Variants in RORA observed in about 807,000 individuals in gnomAD.
RORA encodes the protein RAR related orphan receptor A, also known as nuclear receptor ROR-alpha.
Under a neutral mutation model 69.5 loss-of-function variants are expected in RORA, and 7 were observed. The ratio of observed to expected loss-of-function variants is 0.10; its 90% CI spans 0.06 to 0.19. RORA has a LOEUF of 0.19. Among genes scored for constraint, RORA ranks in the 10% least tolerant of loss-of-function variants. The probability of loss-of-function intolerance (pLI) is 1.00; values close to 1 mark genes in which losing one functional copy is unlikely to be tolerated. For synonymous variants in RORA, 261 were observed against 240.8 expected (o/e 1.08, Z -0.78); for missense variants, 457 against 663.0 (o/e 0.69, Z 3.41).
intron 1 of RORA, among the ~76,000 whole-genome samples, chr15:60,700,808 C>A (rs561706479): frequency 2.0e-5 from 3 of 152,264 alleles, no homozygotes; most frequent in South Asian, 4.2e-4. Flanking sequence ...ATTTATCCTT[C>A]AAGATCCAAA....
chr15:60,882,423 G>C (rs753711208), intron 1 of RORA, among the ~76,000 whole-genome samples: 14 of 152,162 alleles, frequency 9.2e-5, no homozygotes, highest in African/African-American at 1.4e-4. Context: ...AATGTCAGTA[G>C]TGCTGAGATT....
chr15:60,960,200 A>G (rs182266547), intron 1 of RORA, among the ~76,000 whole-genome samples: 1 of 152,306 alleles, frequency 6.6e-6, no homozygotes, highest in African/African-American at 2.4e-5. Flanking sequence ...CCACTCCAAA[A>G]TTACATGATG....
chr15:61,020,549 T>C (rs1184295731), intron 1 of RORA, among the ~76,000 whole-genome samples: 1 of 152,190 alleles, frequency 6.6e-6, no homozygotes, highest in Non-Finnish European at 1.5e-5. Flanking sequence ...TGGCTATTGT[T>C]ACAACAACCA....
intron 2 of RORA, among the ~76,000 whole-genome samples, chr15:60,656,639 A>G (rs1428676670): frequency 2.0e-5 from 3 of 152,208 alleles, no homozygotes; most frequent in Non-Finnish European, 4.4e-5. Flanking sequence ...TGCACAACAC[A>G]CACCATTTGA....
At chr15:61,137,595 G>T (rs576566458) in intron 1 of RORA, among the ~76,000 whole-genome samples, 1 of 152,140 alleles carries the variant, frequency 6.6e-6, no homozygotes, top group Non-Finnish European at 1.5e-5. Context: ...GTGCTGGGCC[G>T]TTCCTAACAC....
At chr15:61,162,438 G>C (rs968904316) in intron 1 of RORA, among the ~76,000 whole-genome samples, 3 of 152,102 alleles carry the variant, frequency 2.0e-5, no homozygotes, top group African/African-American at 7.2e-5. Context: ...CACCCACAAG[G>C]GCTCCTGTTC....
At chr15:60,809,190 A>G (rs1398270784) in intron 1 of RORA, among the ~76,000 whole-genome samples, 1 of 152,302 alleles carries the variant, frequency 6.6e-6, no homozygotes, top group Middle Eastern at 3.4e-3. Flanking sequence ...TAAAAAATGT[A>G]AAAAGTCCTT....
intron 1 of RORA, among the ~76,000 whole-genome samples, chr15:60,940,104 T>C (rs193073024): frequency 1.3e-5 from 2 of 152,302 alleles, no homozygotes; most frequent in East Asian, 3.9e-4. Context: ...CCTCCAACCC[T>C]ATCAGCATTT....
chr15:60,499,150 C>T (rs1045355066), intron 10 of RORA, among the ~76,000 whole-genome samples: 1 of 152,098 alleles, frequency 6.6e-6, no homozygotes, highest in Non-Finnish European at 1.5e-5. Flanking sequence ...CTGTTGATGA[C>T]TAGTGAATTT....
chr15:60,884,122 T>C (rs2073723562), intron 1 of RORA, among the ~76,000 whole-genome samples: 1 of 151,916 alleles, frequency 6.6e-6, no homozygotes, highest in African/African-American at 2.4e-5. Flanking sequence ...CTGGATTGCG[T>C]CCGTGGCTGA....
At chr15:60,543,333 ACTTT>A in intron 2 of RORA, among the ~76,000 whole-genome samples, 1 of 152,106 alleles carries the variant, frequency 6.6e-6, no homozygotes, top group South Asian at 2.1e-4. Flanking sequence ...GAACTTGGAC[ACTTT>A]CTTAATCTCT....
chr15:60,845,036 A>AGT (rs3053882), intron 1 of RORA, among the ~76,000 whole-genome samples: 82,178 of 151,212 alleles, frequency 0.54, 22,809 homozygotes, highest in Middle Eastern at 0.74. Flanking sequence ...CCAGTGTGTG[A>AGT]GTGTGTGTGT....
At position 60,869,781 on chromosome 15, in the gene RORA, G is replaced by A. The variant is rs139714686; in HGVS notation, c.167-191095C>T. Among the ~76,000 whole-genome samples the A allele has an allele frequency of 7.6e-4, 115 of 152,276 alleles. 1 individual carries two copies. Among genetic ancestry groups the A allele is most frequent in the African/African-American group, 2.6e-3 (110 of 41,550 alleles). On this transcript the variant is annotated intron_variant, in intron 1 of 10. Transcript: ENST00000335670. Reference sequence around the variant, plus strand: ...AAAATGGACAAGAAAGTGCATAAGCGATGCTAGCCCTAAGGGGAACCCTGG... The same window carrying A: ...AAAATGGACAAGAAAGTGCATAAGCAATGCTAGCCCTAAGGGGAACCCTGG...
intron 1 of RORA, among the ~76,000 whole-genome samples, chr15:61,075,619 G>A (rs2078437428): frequency 6.6e-6 from 1 of 152,154 alleles, no homozygotes. Context: ...GACAGGGCAG[G>A]TATAATTATC....
At chr15:60,501,198 T>C in intron 8 of RORA, 129 bp from the exon 9 acceptor site, 1 of 632,986 alleles carries the variant, frequency 1.6e-6, no homozygotes, top group Non-Finnish European at 2.8e-6. Context: ...ATGGGGAAGG[T>C]GAAGAGAGAT....
intron 2 of RORA, among the ~76,000 whole-genome samples, chr15:60,613,136 G>A (rs2069138471): frequency 1.3e-5 from 2 of 152,038 alleles, no homozygotes; most frequent in Admixed American, 1.3e-4. Flanking sequence ...AAACAGGTCA[G>A]ATGCTAAAAT....
Position 60,939,098 on chromosome 15 carries a change from C to T in RORA, c.167-260412G>A, listed in dbSNP as rs182517166. 2.8e-3 allele frequency among the ~76,000 whole-genome samples: 427 copies of T among 152,358 alleles called. 2 individuals carry two copies. Among genetic ancestry groups the T allele is most frequent in the Non-Finnish European group, 4.2e-3 (284 of 68,040 alleles). On this transcript the variant is annotated intron_variant, in intron 1 of 10. Transcript: ENST00000335670. ...TCTTCCTCTCTCAGACCTCTTCCCT[C>T]GGCATCGCAGCTCCTGACCTCCACT...
At chr15:60,538,436 T>G (rs979073238) in intron 2 of RORA, among the ~76,000 whole-genome samples, 10 of 152,168 alleles carry the variant, frequency 6.6e-5, no homozygotes, top group Non-Finnish European at 1.0e-4. Context: ...ATGGGAAGCT[T>G]CAGGAAGCTT....
chr15:60,618,523 G>A (rs1233448674), intron 2 of RORA, among the ~76,000 whole-genome samples: 1 of 152,142 alleles, frequency 6.6e-6, no homozygotes, highest in African/African-American at 2.4e-5. Flanking sequence ...CCTACTTTAT[G>A]TTATAGTTGC....
Sources: allele counts gnomAD v4.1 joint callset (sites outside exome capture counted in the v4.1 genomes callset), GRCh38; gene constraint gnomAD v4.1.1; transcripts MANE v1.5; gene names NCBI Gene and HGNC (gene_info 2026-07-23, HGNC 2026-07-21).